The following ROS1 variants were observed in gnomAD, a reference collection of about 807,000 sequenced individuals.
ROS1 encodes ROS proto-oncogene 1, receptor tyrosine kinase, also known as proto-oncogene tyrosine-protein kinase ROS.
In ROS1, 263 loss-of-function variants were observed where a neutral mutation model predicts 273.5. The ratio of observed to expected loss-of-function variants is 0.96; its 90% CI spans 0.87 to 1.06. The LOEUF (loss-of-function observed/expected upper bound fraction) is 1.06. Ranked by LOEUF, ROS1 falls within the 50% of genes least tolerant of loss-of-function variation. The pLI is 0.00. For missense variants in ROS1, 2,833 were observed against 2,751.1 expected (o/e 1.03, Z -0.67); for synonymous variants, 1,008 against 954.1 (o/e 1.06, Z -1.04).
chr6:117,315,668 T>C (rs1053051141), intron 39 of ROS1, among the ~76,000 whole-genome samples: 6 of 151,812 alleles, frequency 4.0e-5, no homozygotes, highest in African/African-American at 1.5e-4. Flanking sequence ...AAAAAGCAGA[T>C]TTTTGCTGCA....
intron 43 of ROS1, among the ~76,000 whole-genome samples, chr6:117,300,086 C>CTTTTTTTTTTTTTTTTT (rs10700318): frequency 4.1e-4 from 13 of 31,838 alleles, no homozygotes; most frequent in Admixed American, 1.1e-3. Flanking sequence ...CCAGGACAGG[C>CTTTTTTTTTTTTTTTTT]TTTTTTTTTT....
At chr6:117,389,944 A>C in intron 12 of ROS1, 98 bp from the exon 13 acceptor site, 2 of 1,084,122 alleles carry the variant, frequency 1.8e-6, no homozygotes, top group South Asian at 3.2e-5. Flanking sequence ...AATCAGAACT[A>C]TGTATCTCTG....
At chr6:117,386,843 T>C in intron 15 of ROS1, 46 bp downstream of exon 15, 2 of 961,718 alleles carry the variant, frequency 2.1e-6, no homozygotes, top group East Asian at 2.4e-5. Context: ...GGAAGTCTTA[T>C]GAGTAGAAAT....
Position 117,389,544 on chromosome 6 carries a change from G to C in ROS1, c.1592C>G (p.Ala531Gly). The C allele has an allele frequency of 6.2e-7, 1 of 1,614,162 alleles. No individual in the cohort carries two copies. Among genetic ancestry groups the C allele is most frequent in the South Asian group, 1.1e-5 (1 of 91,084 alleles). ...TDGKVIFQQD[A>G]LSFNEFIVGC... ...CACGATGAATTCATTAAAAGACAAA[G>C]CATCCTGTTGGAAAATGACCTTGCC... The change falls in exon 13 of 44, where the codon GCT becomes GGT. Residue 531 changes from alanine to glycine, a missense_variant. Coordinates refer to ENST00000368507, the MANE Select transcript of ROS1 (RefSeq NM_001378902.1).
Position 117,347,972 on chromosome 6 carries a change from T to C in ROS1, c.4304-3710A>G, listed in dbSNP as rs541560949. Among the ~76,000 whole-genome samples, 9 of 152,200 alleles carry C rather than the reference T, an allele frequency of 5.9e-5. No homozygotes were observed. The East Asian group carries it at 1.7e-3, about 29-fold the overall frequency. ...TATATTGCTCGATTTGATTTGCTAA[T>C]ATTTTGTTCAGGACTTTTGCAATTC... On this transcript the variant is annotated intron_variant, in intron 27 of 43. Transcript: ENST00000368507.
intron 31 of ROS1, 37 bp from the exon 32 acceptor site, chr6:117,337,377 C>A: frequency 6.6e-7 from 1 of 1,524,912 alleles, no homozygotes; most frequent in South Asian, 1.2e-5. Flanking sequence ...TTTTGTTTCT[C>A]TAAGAAAATA....
At chr6:117,367,026 T>TA (rs1263856039) in intron 18 of ROS1, among the ~76,000 whole-genome samples, 2 of 152,192 alleles carry the variant, frequency 1.3e-5, no homozygotes, top group East Asian at 3.8e-4. Flanking sequence ...GCAAGGTTCT[T>TA]ACAGGACCTG....
Position 117,389,234 on chromosome 6 carries a change from G to T in ROS1, c.1786+116C>A, listed in dbSNP as rs537272683. The T allele has an allele frequency of 2.7e-5, 33 of 1,204,470 alleles. No individual in the cohort carries two copies. In the South Asian group the frequency reaches 3.4e-4, roughly 12 times the overall value. The allele number at this position is 1,204,470 out of a possible 1,614,324, so 74.6% of individuals were successfully genotyped here. On this transcript the variant is annotated intron_variant, in intron 13 of 43. Coordinates refer to ENST00000368507, the MANE Select transcript of ROS1 (RefSeq NM_001378902.1). ...TTTTTTTAGCTAAGTAGCTGCTTCT[G>T]GTTGATGACTGAATAGCCAAATGGG...
At chr6:117,317,454 A>T (rs1019982886) in intron 38 of ROS1, among the ~76,000 whole-genome samples, 182 bp from the exon 39 acceptor site, 3 of 152,080 alleles carry the variant, frequency 2.0e-5, no homozygotes, top group African/African-American at 7.2e-5. Flanking sequence ...TAATATGGCA[A>T]CCCCTAGTGG....
intron 24 of ROS1, among the ~76,000 whole-genome samples, chr6:117,358,418 A>G (rs2128646357): frequency 6.6e-6 from 1 of 152,068 alleles, no homozygotes; most frequent in South Asian, 2.1e-4. Flanking sequence ...ATCCTGACAA[A>G]TATGGTCCTC....
intron 43 of ROS1, among the ~76,000 whole-genome samples, chr6:117,296,182 G>A (rs1774227241): frequency 6.6e-6 from 1 of 152,274 alleles, no homozygotes; most frequent in Admixed American, 6.5e-5. Context: ...CGGATCACTT[G>A]AGGTCAGGAA....
At chr6:117,347,173 A>G (rs1015811109) in intron 27 of ROS1, among the ~76,000 whole-genome samples, 1 of 152,174 alleles carries the variant, frequency 6.6e-6, no homozygotes, top group Non-Finnish European at 1.5e-5. Flanking sequence ...ACATCTTGAC[A>G]ATATTGAGTC....
chr6:117,379,674 G>C (rs1459193179), intron 17 of ROS1, among the ~76,000 whole-genome samples: 1 of 152,036 alleles, frequency 6.6e-6, no homozygotes, highest in Non-Finnish European at 1.5e-5. Flanking sequence ...TCAATTCCCA[G>C]GCTGCACTCT....
intron 5 of ROS1, among the ~76,000 whole-genome samples, chr6:117,408,102 T>G (rs1454554281): frequency 1.3e-5 from 2 of 151,588 alleles, no homozygotes; most frequent in Non-Finnish European, 2.9e-5. Context: ...CCTAAAACCA[T>G]AAAAACCCTA....
rs573996456 is a variant in ROS1 at position 117,409,703 on chromosome 6, T to C, written c.256-61A>G. On this transcript the variant is annotated intron_variant, in intron 4 of 43. Transcript: ENST00000368507. The stretch of plus-strand genomic sequence containing the variant: ...CTTGATACTGGTTTTGCTGATAAGC[T>C]TCAACTAAATTTTAAAATCCGAATG... The C allele has an allele frequency of 1.2e-3, 1,621 of 1,315,270 alleles. 23 individuals are homozygous for C. The South Asian group carries it at 0.016, about 13-fold the overall frequency. The allele number at this position is 1,315,270 out of a possible 1,614,324, so 81.5% of individuals were successfully genotyped here.
chr6:117,374,577 A>G (rs1352631593), intron 18 of ROS1, among the ~76,000 whole-genome samples: 1 of 152,240 alleles, frequency 6.6e-6, no homozygotes, highest in Non-Finnish European at 1.5e-5. Context: ...CAAAGACTTC[A>G]TGACAAAGAA....
Position 117,308,794 on chromosome 6 carries a change from A to T in ROS1, c.6551T>A (p.Leu2184Gln), listed in dbSNP as rs2128545865. The change falls in exon 42 of 44, where the codon CTG becomes CAG. Residue 2184 changes from leucine (L) to glutamine (Q), a missense_variant and splice_region_variant. Transcript: ENST00000368507. ...LEPPRNCPDDLWNLMTQCWAQ... is the reference protein window; with the variant it reads ...LEPPRNCPDDQWNLMTQCWAQ... ...ACATATGTTAACATAATTAACTTACAGATCATCAGGACAATTTCTTGGTGG... is the reference window on the plus strand; with the variant it reads ...ACATATGTTAACATAATTAACTTACTGATCATCAGGACAATTTCTTGGTGG... 6.2e-7 allele frequency: 1 copy of T among 1,612,228 alleles called. No homozygotes were observed. The highest frequency in any genetic ancestry group is 8.5e-7 in the Non-Finnish European group (1 of 1,179,212).
intron 26 of ROS1, among the ~76,000 whole-genome samples, chr6:117,353,980 G>A (rs1051422070): frequency 6.6e-6 from 1 of 152,178 alleles, no homozygotes; most frequent in Non-Finnish European, 1.5e-5. Flanking sequence ...ATGAAATCAC[G>A]GGAGGGCGAC....
chr6:117,338,814 T>C (rs1288792772), intron 31 of ROS1, among the ~76,000 whole-genome samples: 3 of 152,074 alleles, frequency 2.0e-5, no homozygotes, highest in Non-Finnish European at 2.9e-5. Flanking sequence ...ACTTTCCATT[T>C]GTCAGAAGCC....
Sources: allele counts gnomAD v4.1 joint callset (sites outside exome capture counted in the v4.1 genomes callset), GRCh38; gene constraint gnomAD v4.1.1; transcripts MANE v1.5; gene names NCBI Gene and HGNC (gene_info 2026-07-23, HGNC 2026-07-21).